Variants in GLRA2 observed in about 807,000 individuals in gnomAD.
GLRA2 encodes glycine receptor alpha 2, also known as glycine receptor subunit alpha-2.
A neutral mutation model predicts 31.6 loss-of-function variants in GLRA2; 11 were observed. That is an observed-to-expected ratio of 0.35 (90% CI 0.22 to 0.58). GLRA2 has a LOEUF of 0.58. Ranked by LOEUF, GLRA2 falls within the 20% of genes least tolerant of loss-of-function variation. The pLI is 0.84. For synonymous variants in GLRA2, 132 were observed against 134.0 expected, an observed-to-expected ratio of 0.99 and a Z score of 0.10; for missense variants, 212 against 351.8, an observed-to-expected ratio of 0.60 and a Z score of 3.18.
the GLRA2 span, among the ~76,000 whole-genome samples, chrX:14,476,708 G>A: frequency 8.9e-6 from 1 of 111,976 alleles, no homozygotes; most frequent in African/African-American, 3.2e-5. Context: ...AACATTCTTG[G>A]AAATTTTATG....
chrX:14,666,946 T>A (rs765507305), intron 7 of GLRA2, among the ~76,000 whole-genome samples: 1 of 112,334 alleles, frequency 8.9e-6, no homozygotes, highest in African/African-American at 3.2e-5. Context: ...TCATCTATTC[T>A]CTTGTATTTA....
At chrX:14,716,335 C>T (rs1431063153) in intron 8 of GLRA2, among the ~76,000 whole-genome samples, 1 of 111,504 alleles carries the variant, frequency 9.0e-6, no homozygotes, top group Non-Finnish European at 1.9e-5. Flanking sequence ...CCTCACACAT[C>T]TAGGTTATAG....
chrX:14,691,043 A>G (rs1431098840), intron 8 of GLRA2, among the ~76,000 whole-genome samples, 184 bp downstream of exon 8: 2 of 112,046 alleles, frequency 1.8e-5, no homozygotes, highest in African/African-American at 6.5e-5. Flanking sequence ...TGTCAGATTC[A>G]GCAAATAAAA....
At chrX:14,473,330 C>G in the GLRA2 span, among the ~76,000 whole-genome samples, 6 of 111,770 alleles carry the variant, frequency 5.4e-5, no homozygotes, top group African/African-American at 2.0e-4. Flanking sequence ...AATTGAGGTG[C>G]CTATAAATTT....
intron 6 of GLRA2, 73 bp downstream of exon 6, chrX:14,607,341 T>C (rs1263965532): frequency 1.2e-6 from 1 of 843,627 alleles, no homozygotes; most frequent in African/African-American, 2.1e-5. Context: ...AGTATACATC[T>C]CATTACTCTA....
chrX:14,456,959 G>A, the GLRA2 span, among the ~76,000 whole-genome samples: 1 of 111,656 alleles, frequency 9.0e-6, no homozygotes, highest in African/African-American at 3.3e-5. Context: ...GGCTGTACTA[G>A]TTTAACATTA....
At chrX:14,487,992 G>A in the GLRA2 span, among the ~76,000 whole-genome samples, 2 of 111,642 alleles carry the variant, frequency 1.8e-5, no homozygotes, top group Non-Finnish European at 3.8e-5. Context: ...ACATGCACTT[G>A]GATGTTTAAA....
At chrX:14,587,994 A>T (rs1460350232) in intron 4 of GLRA2, among the ~76,000 whole-genome samples, 1 of 107,164 alleles carries the variant, frequency 9.3e-6, no homozygotes, top group African/African-American at 3.5e-5. Context: ...TGACAACTCC[A>T]TTCCTGGGTT....
At chrX:14,536,317 T>C (rs1045153780) in intron 2 of GLRA2, among the ~76,000 whole-genome samples, 2 of 111,981 alleles carry the variant, frequency 1.8e-5, no homozygotes, top group African/African-American at 6.5e-5. Flanking sequence ...ATGTTGTGAA[T>C]ACCAACCCCT....
At chrX:14,453,234 G>A in the GLRA2 span, among the ~76,000 whole-genome samples, 3 of 111,810 alleles carry the variant, frequency 2.7e-5, no homozygotes, top group African/African-American at 6.5e-5. Flanking sequence ...AAATTATAAT[G>A]ATTCTCAAAC....
intron 8 of GLRA2, among the ~76,000 whole-genome samples, chrX:14,712,384 C>T (rs2091724158): frequency 8.9e-6 from 1 of 111,886 alleles, no homozygotes; most frequent in Non-Finnish European, 1.9e-5. Context: ...AGTTGAGAAT[C>T]ACTCGTCTAC....
intron 8 of GLRA2, among the ~76,000 whole-genome samples, chrX:14,693,182 A>G (rs1429108253): frequency 2.7e-5 from 3 of 111,709 alleles, no homozygotes; most frequent in Non-Finnish European, 3.8e-5. Flanking sequence ...AAAGACAAAC[A>G]TTTTCAGATG....
At chrX:14,716,848 T>C (rs757227690) in intron 8 of GLRA2, among the ~76,000 whole-genome samples, 2 of 111,003 alleles carry the variant, frequency 1.8e-5, no homozygotes, top group African/African-American at 3.3e-5. Flanking sequence ...AACTAGAAAG[T>C]CTTTTTCAGA....
chrX:14,719,794 A>G (rs778309135), intron 8 of GLRA2, among the ~76,000 whole-genome samples: 6 of 112,285 alleles, frequency 5.3e-5, no homozygotes, highest in Non-Finnish European at 1.1e-4. Context: ...CATAAAATCA[A>G]CATACATATC....
the GLRA2 span, among the ~76,000 whole-genome samples, chrX:14,500,072 A>G: frequency 9.0e-6 from 1 of 111,358 alleles, no homozygotes; most frequent in Non-Finnish European, 1.9e-5. Context: ...CCATTTGTCT[A>G]TTTTTGCTTC....
intron 7 of GLRA2, among the ~76,000 whole-genome samples, chrX:14,649,215 A>T (rs6630789): frequency 0.031 from 3,201 of 101,989 alleles, 97 homozygotes; most frequent in African/African-American, 0.096. Flanking sequence ...TCCGTTTTTT[A>T]AAAAAAAAAA....
the GLRA2 span, among the ~76,000 whole-genome samples, chrX:14,487,868 T>C: frequency 2.1e-4 from 24 of 111,816 alleles, no homozygotes; most frequent in African/African-American, 7.5e-4. Flanking sequence ...CTAGTGAGAA[T>C]CTGACCTTGT....
At chrX:14,648,256 TG>T (rs1164985722) in intron 7 of GLRA2, among the ~76,000 whole-genome samples, 1 of 111,783 alleles carries the variant, frequency 8.9e-6, no homozygotes, top group Non-Finnish European at 1.9e-5. Context: ...GTGGGGAAAA[TG>T]AACATTTAAA....
the GLRA2 span, among the ~76,000 whole-genome samples, chrX:14,459,685 G>A: frequency 9.0e-6 from 1 of 111,483 alleles, no homozygotes; most frequent in Non-Finnish European, 1.9e-5. Context: ...GTCTGTTATT[G>A]GTGTATAGGA....
Sources: gnomAD v4.1 joint callset for allele counts (sites outside exome capture counted in the v4.1 genomes callset) on GRCh38, gnomAD v4.1.1 for gene constraint, MANE v1.5 for transcripts, NCBI Gene and HGNC (gene_info 2026-07-23, HGNC 2026-07-21) for gene names.